The following CENPL variants were observed in gnomAD, a reference collection of about 807,000 sequenced individuals.
CENPL encodes interphase centromere complex protein 33.
A neutral mutation model predicts 35.2 loss-of-function variants in CENPL; 20 were observed. The ratio of observed to expected loss-of-function variants is 0.57; its 90% CI spans 0.40 to 0.83. The LOEUF (loss-of-function observed/expected upper bound fraction) is 0.83, where lower values mean the gene tolerates loss of function less well. CENPL is among the 40% of genes least tolerant of loss of function. The pLI is 0.00. For synonymous variants in CENPL, 140 were observed against 140.6 expected, an observed-to-expected ratio of 1.00 and a Z score of 0.03; for missense variants, 363 against 395.8, an observed-to-expected ratio of 0.92 and a Z score of 0.70.
intron 2 of CENPL, among the ~76,000 whole-genome samples, chr1:173,817,265 G>A (rs913517658): frequency 7.9e-5 from 12 of 151,870 alleles, no homozygotes; most frequent in Admixed American, 6.6e-5. Flanking sequence ...TCAGACAAAG[G>A]GATAATATCC....
At chr1:173,815,759 C>G (rs1651307617) in intron 2 of CENPL, among the ~76,000 whole-genome samples, 1 of 152,168 alleles carries the variant, frequency 6.6e-6, no homozygotes, top group Admixed American at 6.5e-5. Context: ...TGGAAGCATT[C>G]CCTTTGAAAA....
At chr1:173,806,327 TG>T in intron 4 of CENPL, 1 of 296,816 alleles carries the variant, frequency 3.4e-6, no homozygotes, top group South Asian at 2.5e-5. Context: ...GGTTCATGCC[TG>T]TAATCCCAGC....
intron 4 of CENPL, among the ~76,000 whole-genome samples, chr1:173,806,287 A>G (rs540001807): frequency 1.3e-5 from 2 of 152,148 alleles, no homozygotes; most frequent in African/African-American, 2.4e-5. Flanking sequence ...CATGAATAAT[A>G]AACAAAATAA....
At chr1:173,812,050 A>C (rs1312254062) in intron 2 of CENPL, among the ~76,000 whole-genome samples, 1 of 152,228 alleles carries the variant, frequency 6.6e-6, no homozygotes, top group Non-Finnish European at 1.5e-5. Flanking sequence ...ACACCCATAG[A>C]GCCTTGCTCA....
chr1:173,809,434 C>T (rs1231186946), intron 3 of CENPL, among the ~76,000 whole-genome samples: 1 of 150,248 alleles, frequency 6.7e-6, no homozygotes, highest in Non-Finnish European at 1.5e-5. Context: ...ACTAAAAATA[C>T]AAAAAAAATT....
At chr1:173,820,104 T>C (rs1651804843) in intron 2 of CENPL, among the ~76,000 whole-genome samples, 1 of 152,080 alleles carries the variant, frequency 6.6e-6, no homozygotes, top group African/African-American at 2.4e-5. Context: ...TTTCTCAAAT[T>C]TGGGAATATT....
chr1:173,821,829 G>A (rs1258248622), intron 2 of CENPL: 2 of 27,820 alleles, frequency 7.2e-5, no homozygotes, highest in African/African-American at 2.4e-4. Context: ...TTTTTTTTTT[G>A]AGACAGGGTC....
Position 173,800,467 on chromosome 1 carries a change from G to T in CENPL, c.1016C>A (p.Ala339Glu). 3 of 1,466,496 alleles carry T rather than the reference G, an allele frequency of 2.0e-6. No individual in the cohort carries two copies. The highest frequency in any genetic ancestry group is 2.9e-6 in the Non-Finnish European group (3 of 1,047,648). The allele number at this position is 1,466,496 out of a possible 1,614,324, so 90.8% of individuals were successfully genotyped here. A position where few individuals can be genotyped will look rare whatever the true frequency, so the allele number is the denominator to read the frequency against. ...AAGGCTTCACTCAATTTGAAAAATT[G>T]CCAGTTCTGTCAAATATGCTAACAC... is the stretch of plus-strand genomic sequence containing the variant. ...IGVLAYLTEL[A>E]IFQIE Residue 339 changes from alanine (A) to glutamate (E), a missense_variant, in exon 6 of 6, where the codon GCA becomes GAA. Physicochemically the swap from Ala to Glu is moderately radical, Grantham distance 107. Coordinates refer to ENST00000682279, the MANE Select transcript of CENPL (RefSeq NM_001387287.1).
At chr1:173,822,185 T>C (rs935519489) in intron 2 of CENPL, 2 of 152,206 alleles carry the variant, frequency 1.3e-5, no homozygotes, top group African/African-American at 4.8e-5. Flanking sequence ...ATCTCTTTCT[T>C]CCATCTATCA....
In CENPL at chr1:173,800,439, C is replaced by T; in HGVS notation, c.*9G>A. On this transcript the variant is annotated 3_prime_UTR_variant, in exon 6 of 6. Transcript: ENST00000682279. ...TATATAATCTATAACTTATAGTCCA[C>T]ATAAGGCTTCACTCAATTTGAAAAA... The T allele has an allele frequency of 8.5e-7, 1 of 1,169,840 alleles. No homozygotes were observed. The highest frequency in any genetic ancestry group is 1.2e-5 in the South Asian group (1 of 80,650). The allele number at this position is 1,169,840 out of a possible 1,614,324, so 72.5% of individuals were successfully genotyped here.
At chr1:173,806,121 A>T (rs901097011) in intron 4 of CENPL, among the ~76,000 whole-genome samples, 11 of 152,286 alleles carry the variant, frequency 7.2e-5, no homozygotes, top group Admixed American at 2.6e-4. Flanking sequence ...AACCTTATTT[A>T]CAAAAACAAG....
rs1650323210 is a variant in CENPL at position 173,807,300 on chromosome 1, TC to T, written c.386del (p.Gly129GlufsTer67). On this transcript the variant is annotated frameshift_variant, in exon 4 of 6. Transcript: ENST00000682279. LOFTEE classifies it high-confidence loss of function. ...GAAATGCTTCCGGGTCCCTTTGTGTTCCTTTCATTCCTAGGAGAGTAGAAAA... is the reference window on the plus strand; with the variant it reads ...GAAATGCTTCCGGGTCCCTTTGTGTTCTTTCATTCCTAGGAGAGTAGAAAA... ...VIFSTLLGMK[G>X]TQRDPEAFLV... 9 of 1,611,876 alleles carry T rather than the reference TC, an allele frequency of 5.6e-6. No individual in the cohort carries two copies. Among genetic ancestry groups the T allele is most frequent in the Non-Finnish European group, 7.6e-6 (9 of 1,178,492 alleles).
At chr1:173,808,850 C>T (rs1178210054) in intron 3 of CENPL, among the ~76,000 whole-genome samples, 3 of 152,030 alleles carry the variant, frequency 2.0e-5, no homozygotes, top group Admixed American at 6.6e-5. Flanking sequence ...ATGACAAAGA[C>T]GCCAAAAGCA....
At chr1:173,818,246 C>A (rs1348108428) in intron 2 of CENPL, among the ~76,000 whole-genome samples, 1 of 152,102 alleles carries the variant, frequency 6.6e-6, no homozygotes, top group Non-Finnish European at 1.5e-5. Context: ...AAGAGTTCTC[C>A]GTATCCAGAG....
chr1:173,808,201 T>C (rs112384653), intron 3 of CENPL, among the ~76,000 whole-genome samples: 1,895 of 151,486 alleles, frequency 0.013, 39 homozygotes, highest in African/African-American at 0.041. Flanking sequence ...AGGTCAGGAG[T>C]TTGAGACCAG....
chr1:173,810,982 C>T (rs1365310307), intron 3 of CENPL, 150 bp downstream of exon 3: 4 of 616,856 alleles, frequency 6.5e-6, no homozygotes, highest in Non-Finnish European at 8.4e-6. Context: ...AGAGGTAGCA[C>T]TGATCGTTAT....
chr1:173,807,693 G>A (rs998869230), intron 3 of CENPL, among the ~76,000 whole-genome samples, 175 bp from the exon 4 acceptor site: 2 of 152,112 alleles, frequency 1.3e-5, no homozygotes, highest in African/African-American at 4.8e-5. Flanking sequence ...TACCTTTGCT[G>A]TACCTTCTCT....
Position 173,807,290 on chromosome 1 carries a change from C to T in CENPL, c.397G>A (p.Asp133Asn), listed in dbSNP as rs144722707. 6.7e-5 allele frequency: 107 copies of T among 1,608,882 alleles called. 2 individuals carry two copies. The South Asian group carries it at 8.0e-4, about 12-fold the overall frequency. The change falls in exon 4 of 6, where the codon GAC becomes AAC. Residue 133 changes from aspartate (D) to asparagine (N), a missense_variant. Coordinates refer to ENST00000682279, the MANE Select transcript of CENPL (RefSeq NM_001387287.1). ...ACCTGGACAAGAAATGCTTCCGGGT[C>T]CCTTTGTGTTCCTTTCATTCCTAGG... ...TLLGMKGTQR[D>N]PEAFLVQIVS...
intron 2 of CENPL, among the ~76,000 whole-genome samples, chr1:173,817,167 A>T (rs1177255171): frequency 2.0e-5 from 3 of 152,006 alleles, no homozygotes; most frequent in African/African-American, 7.3e-5. Context: ...AAAATAAATA[A>T]ATAAATACTG....
Sources: gnomAD v4.1 joint callset for allele counts (sites outside exome capture counted in the v4.1 genomes callset) on GRCh38, gnomAD v4.1.1 for gene constraint, MANE v1.5 for transcripts, NCBI Gene and HGNC (gene_info 2026-07-23, HGNC 2026-07-21) for gene names.